EPB41: variants seen among roughly 807,000 people sequenced by gnomAD.
EPB41 encodes erythrocyte membrane protein band 4.1, also known as protein 4.1.
A neutral mutation model predicts 108.0 loss-of-function variants in EPB41; 65 were observed. The ratio of observed to expected loss-of-function variants is 0.60; its 90% CI spans 0.49 to 0.74. The LOEUF (loss-of-function observed/expected upper bound fraction) is 0.74. Ranked by LOEUF, EPB41 falls within the 30% of genes least tolerant of loss-of-function variation. The pLI, the probability that EPB41 is intolerant of heterozygous loss-of-function variation, is 0.00. For missense variants in EPB41, 875 were observed against 1,037.0 expected (o/e 0.84, Z 2.15); for synonymous variants, 336 against 358.9 (o/e 0.94, Z 0.72).
Position 28,952,966 on chromosome 1 carries a change from T to A in EPB41, c.-7-34465T>A, listed in dbSNP as rs572493853. On this transcript the variant is annotated intron_variant, in intron 1 of 20. Coordinates refer to ENST00000343067, the MANE Select transcript of EPB41 (RefSeq NM_001376013.1). ...CTGGTCTCGAACTCCTGACCTCAAG[T>A]GATGCGCCTGCCTCGGCCTCCCAAA... Among the ~76,000 whole-genome samples, 9 of 152,256 alleles carry A rather than the reference T, an allele frequency of 5.9e-5. No individual in the cohort carries two copies. In the East Asian group the frequency reaches 1.7e-3, roughly 29 times the overall value.
chr1:29,108,562 A>AT, intron 17 of EPB41, among the ~76,000 whole-genome samples: 1 of 149,692 alleles, frequency 6.7e-6, no homozygotes, highest in South Asian at 2.1e-4. Flanking sequence ...ATTTTATTTT[A>AT]TTTATTTATT....
rs867840557 is a variant in EPB41, at chr1:29,018,525, A to G, written c.1124+83A>G. The G allele has an allele frequency of 1.3e-5, 17 of 1,340,764 alleles. No individual in the cohort carries two copies. The highest frequency in any genetic ancestry group is 4.7e-4 in the Middle Eastern group (2 of 4,246). The allele number at this position is 1,340,764 out of a possible 1,614,324, so 83.1% of individuals were successfully genotyped here. ...CATGGTATTGGTTCATTGTTTGCCT[A>G]AGAGGGATCATGGTGCCATAGAAAG... is the stretch of plus-strand genomic sequence containing the variant. On this transcript the variant is annotated intron_variant, in intron 7 of 20. Transcript: ENST00000343067. This position sits in a 1 kb window ranked among gnomAD's most constrained non-coding sequence, Gnocchi z 4.4.
intron 4 of EPB41, among the ~76,000 whole-genome samples, chr1:29,005,598 T>G (rs1350186796): frequency 6.6e-6 from 1 of 152,228 alleles, no homozygotes; most frequent in Admixed American, 6.5e-5. Flanking sequence ...GACAGTCTCT[T>G]TCCTCATGGA....
At chr1:28,897,410 C>T (rs982936951) in intron 1 of EPB41, among the ~76,000 whole-genome samples, 3 of 151,732 alleles carry the variant, frequency 2.0e-5, no homozygotes, top group African/African-American at 4.8e-5. Flanking sequence ...ATCAGCTGGG[C>T]GTTGTGCATG....
intron 1 of EPB41, among the ~76,000 whole-genome samples, chr1:28,984,062 C>T (rs1363017938): frequency 6.6e-6 from 1 of 152,110 alleles, no homozygotes; most frequent in Non-Finnish European, 1.5e-5. Context: ...CTCTGAAGTA[C>T]AGCCATCTCC....
chr1:29,030,528 ATAT>A lies in EPB41; in HGVS notation c.1212+45_1212+47del, dbSNP rs768133207. Reference sequence around the variant, plus strand: ...CCCTTTATTAATATGCATGTGGAAGATATTATATGATACATGTCTGTTATGTAT... The same window carrying A: ...CCCTTTATTAATATGCATGTGGAAGATATATGATACATGTCTGTTATGTAT... On this transcript the variant is annotated intron_variant, in intron 8 of 20. Coordinates refer to ENST00000343067, the MANE Select transcript of EPB41 (RefSeq NM_001376013.1). 159 of 1,352,970 alleles carry A rather than the reference ATAT, an allele frequency of 1.2e-4. 1 individual carries two copies. In the African/African-American group the frequency reaches 1.6e-3, roughly 13 times the overall value. The allele number at this position is 1,352,970 out of a possible 1,614,324, so 83.8% of individuals were successfully genotyped here. A position where few individuals can be genotyped will look rare whatever the true frequency, so the allele number is the denominator to read the frequency against.
At chr1:28,939,965 T>C (rs1265890104) in intron 1 of EPB41, among the ~76,000 whole-genome samples, 1 of 152,210 alleles carries the variant, frequency 6.6e-6, no homozygotes, top group African/African-American at 2.4e-5. Context: ...ATCAATTTCA[T>C]GTGGCGTAAG....
At position 28,887,425 on chromosome 1, in the gene EPB41, G is replaced by A; in HGVS notation, c.-8+215G>A. On this transcript the variant is annotated intron_variant, in intron 1 of 16. Transcript: ENST00000347529. This position sits in a 1 kb window ranked among gnomAD's most constrained non-coding sequence, Gnocchi z 4.9. The stretch of plus-strand genomic sequence containing the variant: ...TCTTAAAGTTCAGGGTGCAGGGAGG[G>A]GCGTGGGAGTCTGGAGAGGGGGTCC... 1.0e-6 allele frequency: 1 copy of A among 985,390 alleles called. No homozygotes were observed. Among genetic ancestry groups the A allele is most frequent in the South Asian group, 4.7e-5 (1 of 21,288 alleles). 61.0% of individuals were successfully genotyped at this position (985,390 alleles called of 1,614,324 possible). A position where few individuals can be genotyped will look rare whatever the true frequency, so the allele number is the denominator to read the frequency against.
chr1:28,927,767 A>T (rs112232396), intron 1 of EPB41, among the ~76,000 whole-genome samples: 2 of 152,070 alleles, frequency 1.3e-5, no homozygotes, highest in African/African-American at 2.4e-5. Context: ...GCCAGTAAGG[A>T]TATGGGATTT....
chr1:28,962,090 C>G (rs922873598), intron 1 of EPB41, among the ~76,000 whole-genome samples: 1 of 151,044 alleles, frequency 6.6e-6, no homozygotes, highest in Admixed American at 6.6e-5. Flanking sequence ...GATGGAGTCT[C>G]GCCCTTGTTG....
chr1:29,084,606 G>A (rs74065245), intron 16 of EPB41, among the ~76,000 whole-genome samples: 2,866 of 152,292 alleles, frequency 0.019, 50 homozygotes, highest in Middle Eastern at 0.095. Context: ...GTGGGTAATA[G>A]CAATATAGAA....
chr1:29,055,930 CAAA>C (rs35702090), intron 12 of EPB41, among the ~76,000 whole-genome samples: 1 of 59,382 alleles, frequency 1.7e-5, no homozygotes, highest in Non-Finnish European at 2.8e-5. Context: ...AAGACTGTCT[CAAA>C]AAAAAAAAAA....
At chr1:29,043,805 G>A (rs1157659898) in intron 11 of EPB41, among the ~76,000 whole-genome samples, 2 of 152,302 alleles carry the variant, frequency 1.3e-5, no homozygotes, top group East Asian at 3.9e-4. Context: ...GAAAAGCAGG[G>A]CGAAGGCTGT....
At chr1:29,013,355 C>T (rs1026844620) in intron 5 of EPB41, among the ~76,000 whole-genome samples, 6 of 151,396 alleles carry the variant, frequency 4.0e-5, no homozygotes, top group Admixed American at 1.3e-4. Context: ...ATGATAAAAA[C>T]GCTTTCTTCA....
At chr1:29,041,170 A>AATAC (rs1641410157) in intron 11 of EPB41, 1 of 150,234 alleles carries the variant, frequency 6.7e-6, no homozygotes, top group Non-Finnish European at 1.5e-5. Context: ...TAAATAAATA[A>AATAC]ATAAATAAAT....
rs191910217 is a variant in EPB41 at position 29,109,462 on chromosome 1, T to G, written c.2415+25T>G. On this transcript the variant is annotated intron_variant, in intron 18 of 20. Coordinates refer to ENST00000343067, the MANE Select transcript of EPB41 (RefSeq NM_001376013.1). ...GGTAACAGACCAGCTAGAACCTCTT[T>G]ATGGAACCCAGGGGCAGGCTAAGCT... 1.9e-3 allele frequency: 3,082 copies of G among 1,599,284 alleles called. 12 individuals carry two copies. Among genetic ancestry groups the G allele is most frequent in the Middle Eastern group, 9.8e-3 (59 of 6,032 alleles).
chr1:29,013,134 G>A (rs934842473), intron 5 of EPB41, among the ~76,000 whole-genome samples: 2 of 151,976 alleles, frequency 1.3e-5, no homozygotes, highest in Non-Finnish European at 2.9e-5. Context: ...ACACCATCCT[G>A]GCCAACATGG....
Position 29,065,113 on chromosome 1 carries a change from C to T in EPB41, c.2139C>T (p.Pro713=). The T allele has an allele frequency of 6.2e-7, 1 of 1,612,834 alleles. No individual in the cohort carries two copies. Among genetic ancestry groups the T allele is most frequent in the Non-Finnish European group, 8.5e-7 (1 of 1,179,018 alleles). ...EWDKRLSTHS[P]FRTLNINGQI... Reference sequence around the variant, plus strand: ...ATAAACGCTTATCCACTCACTCACCCTTCCGAACTCTTAACATCAATGGGC... The same window carrying T: ...ATAAACGCTTATCCACTCACTCACCTTTCCGAACTCTTAACATCAATGGGC... The change falls in exon 16 of 21, where the codon CCC becomes CCT. Residue 713 remains proline (P), a synonymous_variant. Transcript: ENST00000343067.
At chr1:28,984,550 G>T (rs1463105538) in intron 1 of EPB41, among the ~76,000 whole-genome samples, 1 of 152,032 alleles carries the variant, frequency 6.6e-6, no homozygotes, top group African/African-American at 2.4e-5. Flanking sequence ...GAATCAATTA[G>T]TATCATGCAT....
Sources: gnomAD v4.1 joint callset for allele counts (sites outside exome capture counted in the v4.1 genomes callset) on GRCh38, gnomAD v4.1.1 for gene constraint, Gnocchi (gnomAD v3.1) non-coding constraint, MANE v1.5 for transcripts, NCBI Gene and HGNC (gene_info 2026-07-23, HGNC 2026-07-21) for gene names.